Variants in RARB observed in about 807,000 individuals in gnomAD.
RARB encodes the protein retinoic acid receptor beta.
A neutral mutation model predicts 51.9 loss-of-function variants in RARB; 17 were observed. The ratio of observed to expected loss-of-function variants is 0.33; its 90% CI spans 0.22 to 0.49. The LOEUF (loss-of-function observed/expected upper bound fraction) is 0.49. Ranked by LOEUF, RARB falls within the 20% of genes least tolerant of loss-of-function variation. The pLI is 0.99. For synonymous variants in RARB, 215 were observed against 195.4 expected, an observed-to-expected ratio of 1.10 and a Z score of -0.84; for missense variants, 369 against 550.8, an observed-to-expected ratio of 0.67 and a Z score of 3.30.
chr3:25,326,347 T>C (rs1704716410), intron 5 of RARB, among the ~76,000 whole-genome samples: 1 of 151,970 alleles, frequency 6.6e-6, no homozygotes, highest in Non-Finnish European at 1.5e-5. Flanking sequence ...TGGACAAAGG[T>C]TTATATTTCC....
At chr3:25,347,969 C>A (rs1705444861) in intron 5 of RARB, among the ~76,000 whole-genome samples, 1 of 152,150 alleles carries the variant, frequency 6.6e-6, no homozygotes, top group Non-Finnish European at 1.5e-5. Context: ...AGTCTAGATT[C>A]CTTGAGGGCA....
chr3:25,097,201 G>A (rs1388888380), intron 3 of RARB, among the ~76,000 whole-genome samples: 4 of 152,098 alleles, frequency 2.6e-5, no homozygotes, highest in Admixed American at 6.6e-5. Context: ...AACAATACAC[G>A]CATGACTTGA....
chr3:25,053,186 C>A (rs927472141), intron 2 of RARB, among the ~76,000 whole-genome samples: 1 of 152,142 alleles, frequency 6.6e-6, no homozygotes, highest in Non-Finnish European at 1.5e-5. Context: ...CACCCCTGGA[C>A]TACAAGGGAG....
intron 5 of RARB, among the ~76,000 whole-genome samples, chr3:25,348,639 C>A (rs915588324): frequency 6.6e-6 from 1 of 152,180 alleles, no homozygotes; most frequent in African/African-American, 2.4e-5. Flanking sequence ...ACATGACCCA[C>A]AACTTACAGA....
intron 5 of RARB, among the ~76,000 whole-genome samples, chr3:25,225,664 G>A (rs1702040919): frequency 6.6e-6 from 1 of 152,132 alleles, no homozygotes; most frequent in African/African-American, 2.4e-5. Flanking sequence ...AAGTGAGAGA[G>A]AATTTTACAT....
chr3:25,100,049 C>T (rs1439039304), intron 3 of RARB, among the ~76,000 whole-genome samples: 1 of 152,138 alleles, frequency 6.6e-6, no homozygotes, highest in Non-Finnish European at 1.5e-5. Flanking sequence ...CACAAAAACA[C>T]CTGGCTACGC....
intron 3 of RARB, among the ~76,000 whole-genome samples, chr3:25,083,711 T>G (rs1390331563): frequency 6.6e-6 from 1 of 152,212 alleles, no homozygotes; most frequent in Non-Finnish European, 1.5e-5. Context: ...GTGCTAGGCA[T>G]AGTAAATGCT....
intron 2 of RARB, among the ~76,000 whole-genome samples, chr3:24,864,412 T>C (rs1702811320): frequency 6.6e-6 from 1 of 152,222 alleles, no homozygotes; most frequent in South Asian, 2.1e-4. Context: ...GCTCTCTTCC[T>C]TGCTTAGGCT....
At chr3:24,948,996 T>G (rs1314091255) in intron 2 of RARB, among the ~76,000 whole-genome samples, 2 of 152,212 alleles carry the variant, frequency 1.3e-5, no homozygotes, top group African/African-American at 4.8e-5. Flanking sequence ...AGAAATGAAC[T>G]GCTGTAATGA....
At chr3:24,918,260 C>T (rs918653749) in intron 2 of RARB, among the ~76,000 whole-genome samples, 1 of 152,160 alleles carries the variant, frequency 6.6e-6, no homozygotes, top group Non-Finnish European at 1.5e-5. Flanking sequence ...GAACTGCAAC[C>T]TGACTTGGTT....
chr3:25,254,836 C>T (rs968335732), intron 5 of RARB, among the ~76,000 whole-genome samples: 1 of 152,036 alleles, frequency 6.6e-6, no homozygotes, highest in Non-Finnish European at 1.5e-5. Context: ...CTGCCATTAC[C>T]TTGGACAACT....
intron 1 of RARB, among the ~76,000 whole-genome samples, chr3:25,431,675 G>T (rs1156946922): frequency 6.6e-6 from 1 of 152,122 alleles, no homozygotes; most frequent in Non-Finnish European, 1.5e-5. Context: ...AATAACGAGT[G>T]TGACAACTTC....
At chr3:25,509,112 A>G (rs1308843483) in intron 3 of RARB, among the ~76,000 whole-genome samples, 1 of 152,202 alleles carries the variant, frequency 6.6e-6, no homozygotes, top group Non-Finnish European at 1.5e-5. Context: ...ATAGAACAGC[A>G]CAGGGCAAAG....
At chr3:25,397,392 C>G (rs1707145596) in intron 5 of RARB, among the ~76,000 whole-genome samples, 1 of 152,146 alleles carries the variant, frequency 6.6e-6, no homozygotes, top group Non-Finnish European at 1.5e-5. Context: ...TTCGGCTGTC[C>G]CACAGAGTTT....
intron 5 of RARB, among the ~76,000 whole-genome samples, chr3:25,258,606 T>A (rs576107537): frequency 2.1e-4 from 32 of 152,244 alleles, no homozygotes; most frequent in Non-Finnish European, 1.9e-4. Context: ...TGTCTTGGTC[T>A]GTTTTCTGTT....
chr3:25,362,334 T>TCC (rs780918839), intron 5 of RARB, among the ~76,000 whole-genome samples: 1 of 152,058 alleles, frequency 6.6e-6, no homozygotes, highest in Non-Finnish European at 1.5e-5. Flanking sequence ...TGGACGCCCC[T>TCC]CCCCCGACCA....
chr3:24,853,653 G>GT (rs1224161723), intron 1 of RARB, among the ~76,000 whole-genome samples: 2 of 152,300 alleles, frequency 1.3e-5, no homozygotes, highest in African/African-American at 4.8e-5. Flanking sequence ...AAAGAGATTT[G>GT]TAAGATGGAG....
intron 5 of RARB, among the ~76,000 whole-genome samples, chr3:25,302,751 T>C: frequency 6.6e-6 from 1 of 152,226 alleles, no homozygotes; most frequent in East Asian, 1.9e-4. Flanking sequence ...GTGAATTTTA[T>C]GTTATTGTGA....
At chr3:25,263,581 A>C (rs967516589) in intron 5 of RARB, among the ~76,000 whole-genome samples, 1 of 152,202 alleles carries the variant, frequency 6.6e-6, no homozygotes, top group African/African-American at 2.4e-5. Context: ...GAGATTTTTC[A>C]GCCAGCCAAC....
Sources: gnomAD v4.1 joint callset for allele counts (sites outside exome capture counted in the v4.1 genomes callset) on GRCh38, gnomAD v4.1.1 for gene constraint, MANE v1.5 for transcripts, NCBI Gene and HGNC (gene_info 2026-07-23, HGNC 2026-07-21) for gene names.